RBM4: variants seen among roughly 807,000 people sequenced by gnomAD.
RBM4 encodes the protein RNA-binding protein 4.
RBM4 carries 7 observed loss-of-function variants against 29.5 expected under a neutral mutation model. That is an observed-to-expected ratio of 0.24 (90% confidence interval 0.14 to 0.45). The LOEUF (loss-of-function observed/expected upper bound fraction) is 0.45. RBM4 is among the 20% of genes least tolerant of loss of function. RBM4 has a pLI of 1.00. For synonymous variants in RBM4, 220 were observed against 205.4 expected (o/e 1.07, Z -0.61); for missense variants, 387 against 502.3 (o/e 0.77, Z 2.19).
intron 2 of RBM4, among the ~76,000 whole-genome samples, chr11:66,642,479 A>C (rs1397784558): frequency 6.6e-6 from 1 of 152,108 alleles, no homozygotes; most frequent in Non-Finnish European, 1.5e-5. Context: ...CTTTTATTAC[A>C]TTTTCAGAAG....
intron 2 of RBM4, among the ~76,000 whole-genome samples, chr11:66,660,988 C>G (rs1939073022): frequency 6.6e-6 from 1 of 152,116 alleles, no homozygotes; most frequent in Non-Finnish European, 1.5e-5. Context: ...TCTCAGTAGC[C>G]TTAATTGCTG....
chr11:66,644,148 G>A lies in RBM4; in HGVS notation c.*8+8G>A. On this transcript the variant is annotated splice_region_variant and intron_variant, in intron 3 of 3. Coordinates refer to ENST00000310092, the MANE Select transcript of RBM4 (RefSeq NM_002896.4). Reference sequence around the variant, plus strand: ...AGCCTTTTAAAGCTTGAGGTGAGAGGGGTGGGGTGTTCCCTCTTCTGGTTT... The same window carrying A: ...AGCCTTTTAAAGCTTGAGGTGAGAGAGGTGGGGTGTTCCCTCTTCTGGTTT... 1 of 1,601,646 alleles carries A rather than the reference G, an allele frequency of 6.2e-7. No individual in the cohort carries two copies. The highest frequency in any genetic ancestry group is 8.5e-7 in the Non-Finnish European group (1 of 1,173,038).
At chr11:66,660,829 G>C (rs1024574109) in intron 2 of RBM4, among the ~76,000 whole-genome samples, 4 of 151,374 alleles carry the variant, frequency 2.6e-5, no homozygotes, top group African/African-American at 9.7e-5. Flanking sequence ...AATTTTTTTT[G>C]TATTTTTAGT....
In RBM4 at chr11:66,646,312, G is replaced by A; in HGVS notation, c.*294G>A. On this transcript the variant is annotated 3_prime_UTR_variant, in exon 4 of 4. Transcript: ENST00000310092. ...CAGAAACTGTGGTGGGGGCTGTGCT[G>A]TCTCCTCCCTGCCTCCTGCCTCCTG... The A allele has an allele frequency of 1.5e-6, 2 of 1,317,710 alleles. No homozygotes were observed. Among genetic ancestry groups the A allele is most frequent in the South Asian group, 2.0e-5 (1 of 50,292 alleles). The allele number at this position is 1,317,710 out of a possible 1,614,324, so 81.6% of individuals were successfully genotyped here.
downstream of RBM4, among the ~76,000 whole-genome samples, chr11:66,646,847 G>A (rs1469152659): frequency 6.6e-6 from 1 of 152,232 alleles, no homozygotes; most frequent in African/African-American, 2.4e-5. Context: ...TAGGGGAAGA[G>A]GAAGTCAGTT....
chr11:66,650,439 T>G (rs914046376), downstream of RBM4, among the ~76,000 whole-genome samples: 4 of 151,964 alleles, frequency 2.6e-5, no homozygotes, highest in Admixed American at 2.6e-4. Context: ...GGCATGGTGG[T>G]GGGCACCTGT....
chr11:66,661,710 TTATCA>T (rs1219413707), intron 2 of RBM4, among the ~76,000 whole-genome samples: 1 of 152,088 alleles, frequency 6.6e-6, no homozygotes, highest in Non-Finnish European at 1.5e-5. Flanking sequence ...AATATGCAAT[TTATCA>T]TATAAGAAGT....
intron 2 of RBM4, among the ~76,000 whole-genome samples, chr11:66,655,549 G>C (rs533238796): frequency 6.6e-6 from 1 of 152,266 alleles, no homozygotes; most frequent in South Asian, 2.1e-4. Context: ...CAAAGTGCTG[G>C]GATTATAGGA....
intron 3 of RBM4, chr11:66,644,360 G>A: frequency 1.6e-6 from 1 of 611,588 alleles, no homozygotes; most frequent in African/African-American, 1.8e-5. Flanking sequence ...GGTAGTGGGA[G>A]TCAATTTGAT....
chr11:66,650,019 C>T, downstream of RBM4: 1 of 502,238 alleles, frequency 2.0e-6, no homozygotes, highest in Non-Finnish European at 3.5e-6. Flanking sequence ...ATTAGGTTAC[C>T]ATGTGGCGAA....
chr11:66,648,441 G>T (rs1938755694), downstream of RBM4, among the ~76,000 whole-genome samples: 1 of 152,022 alleles, frequency 6.6e-6, no homozygotes, highest in Non-Finnish European at 1.5e-5. Context: ...AGGATCACTT[G>T]AACCCAGAAA....
At chr11:66,644,585 C>T (rs948135806) in intron 3 of RBM4, 16 of 643,528 alleles carry the variant, frequency 2.5e-5, no homozygotes, top group Non-Finnish European at 2.9e-5. Flanking sequence ...CTGATATGAC[C>T]CCTGATGATA....
At chr11:66,658,337 CTT>C (rs35133059) in intron 2 of RBM4, among the ~76,000 whole-genome samples, 80 of 50,456 alleles carry the variant, frequency 1.6e-3, no homozygotes, top group African/African-American at 4.7e-3. Flanking sequence ...CTAGTCTGAC[CTT>C]TTTTTTTTTT....
At chr11:66,663,396 G>A (rs754818534) in intron 2 of RBM4, among the ~76,000 whole-genome samples, 1 of 152,196 alleles carries the variant, frequency 6.6e-6, no homozygotes, top group Non-Finnish European at 1.5e-5. Context: ...ATGGAGTCTC[G>A]CTCTGTCACC....
intron 3 of RBM4, 128 bp from the exon 4 acceptor site, chr11:66,645,899 G>A (rs1169388702): frequency 1.8e-5 from 27 of 1,476,612 alleles, no homozygotes; most frequent in Non-Finnish European, 2.4e-5. Flanking sequence ...TGTGATACTG[G>A]GGGAGAAGGG....
At chr11:66,659,559 A>T (rs1565087918) in intron 2 of RBM4, among the ~76,000 whole-genome samples, 1 of 152,072 alleles carries the variant, frequency 6.6e-6, no homozygotes, top group Non-Finnish European at 1.5e-5. Flanking sequence ...GATTACAGGC[A>T]TGAGCTACTG....
chr11:66,643,311 T>C lies in RBM4; in HGVS notation c.413-139T>C. On this transcript the variant is annotated intron_variant, in intron 2 of 3. Transcript: ENST00000310092. The surrounding 1 kb of genome is among the most constrained non-coding windows in gnomAD (Gnocchi z 6.1). ...TCTATATGTTGAGTCTTTTTTTTTT[T>C]TCCTTTTTATCTTTTCCTAAAGATG... 2 of 1,176,188 alleles carry C rather than the reference T, an allele frequency of 1.7e-6. No individual in the cohort carries two copies. Among genetic ancestry groups the C allele is most frequent in the East Asian group, 2.6e-5 (1 of 38,944 alleles). 72.9% of individuals were successfully genotyped at this position (1,176,188 alleles called of 1,614,324 possible). A position where few individuals can be genotyped will look rare whatever the true frequency, so the allele number is the denominator to read the frequency against.
At chr11:66,653,318 CTA>C (rs915004012) in intron 2 of RBM4, among the ~76,000 whole-genome samples, 12 of 151,660 alleles carry the variant, frequency 7.9e-5, no homozygotes, top group African/African-American at 2.4e-4. Context: ...AACATGAATA[CTA>C]TCAGGATGAA....
intron 2 of RBM4, among the ~76,000 whole-genome samples, chr11:66,664,128 C>T (rs1447887362): frequency 1.3e-5 from 2 of 150,096 alleles, no homozygotes; most frequent in Non-Finnish European, 3.0e-5. Context: ...ACTTCAGCCT[C>T]TTGAGTAGCT....
Sources: allele counts gnomAD v4.1 joint callset (sites outside exome capture counted in the v4.1 genomes callset), GRCh38; gene constraint gnomAD v4.1.1; non-coding constraint Gnocchi (gnomAD v3.1); transcripts MANE v1.5; gene names NCBI Gene and HGNC (gene_info 2026-07-23, HGNC 2026-07-21).